The following FHIT variants were observed in gnomAD, a reference collection of about 807,000 sequenced individuals.
FHIT encodes the protein bis(5'-adenosyl)-triphosphatase.
In FHIT, 19 loss-of-function variants were observed where a neutral mutation model predicts 17.9. The ratio of observed to expected loss-of-function variants is 1.06; its 90% CI spans 0.74 to 1.56. The LOEUF is 1.56. FHIT is among the 40% of genes most tolerant of loss of function. The pLI is 0.00. For missense variants in FHIT, 248 were observed against 189.2 expected (o/e 1.31, Z -1.82); for synonymous variants, 81 against 69.7 (o/e 1.16, Z -0.81).
Position 59,767,224 on chromosome 3 carries a change from C to T in FHIT, c.349-14903G>A, listed in dbSNP as rs140964151. ...ATGAAAAATGGAGAGCTGGGCCGGG[C>T]GCGGTGGCTCACGCCTGTAATCCCA... On this transcript the variant is annotated intron_variant, in intron 8 of 9. Coordinates refer to ENST00000492590, the MANE Select transcript of FHIT (RefSeq NM_002012.4). 5.3e-3 allele frequency among the ~76,000 whole-genome samples: 812 copies of T among 152,238 alleles called. 22 individuals are homozygous for T. In the East Asian group the frequency reaches 0.068, roughly 13 times the overall value.
intron 5 of FHIT, among the ~76,000 whole-genome samples, chr3:60,434,175 C>T (rs1198204261): frequency 1.3e-5 from 2 of 152,212 alleles, no homozygotes; most frequent in East Asian, 3.9e-4. Flanking sequence ...TATACCTTGT[C>T]TGTACCGTTT....
At chr3:60,033,622 C>G (rs540267517) in intron 5 of FHIT, among the ~76,000 whole-genome samples, 1 of 151,792 alleles carries the variant, frequency 6.6e-6, no homozygotes, top group East Asian at 1.9e-4. Context: ...GAAAATACTT[C>G]TAGCAATTGC....
At chr3:60,898,595 A>G (rs11708288) in intron 3 of FHIT, among the ~76,000 whole-genome samples, 51,694 of 152,084 alleles carry the variant, frequency 0.34, 10,932 homozygotes, top group East Asian at 0.82. Context: ...AGAACAAAAC[A>G]TTACTGATGT....
chr3:60,016,216 C>G (rs1348650496), intron 5 of FHIT, among the ~76,000 whole-genome samples: 4 of 152,148 alleles, frequency 2.6e-5, no homozygotes, highest in Admixed American at 6.5e-5. Flanking sequence ...AATGTTTTAT[C>G]CAGTACATAT....
chr3:60,627,536 C>T (rs1157049258), intron 4 of FHIT, among the ~76,000 whole-genome samples: 13 of 152,224 alleles, frequency 8.5e-5, no homozygotes, highest in Non-Finnish European at 1.0e-4. Flanking sequence ...GATGGAGTCT[C>T]GCTCTGCCAC....
At chr3:60,473,307 T>C (rs1363330228) in intron 5 of FHIT, among the ~76,000 whole-genome samples, 1 of 152,142 alleles carries the variant, frequency 6.6e-6, no homozygotes, top group African/African-American at 2.4e-5. Context: ...ATGAGCACTG[T>C]TCCAAGATTA....
At chr3:60,805,705 A>C (rs984143775) in intron 4 of FHIT, among the ~76,000 whole-genome samples, 37 of 151,972 alleles carry the variant, frequency 2.4e-4, no homozygotes, top group African/African-American at 8.7e-4. Context: ...ACAGGCACCC[A>C]CCACCACACC....
chr3:60,298,423 T>C (rs1708305361), intron 5 of FHIT, among the ~76,000 whole-genome samples: 1 of 152,098 alleles, frequency 6.6e-6, no homozygotes, highest in South Asian at 2.1e-4. Flanking sequence ...TCACAAGTTT[T>C]AGGAATTGTG....
At chr3:60,072,672 G>A (rs975980127) in intron 5 of FHIT, among the ~76,000 whole-genome samples, 8 of 152,134 alleles carry the variant, frequency 5.3e-5, no homozygotes, top group Non-Finnish European at 8.8e-5. Context: ...GTAAGTGGAC[G>A]ATCAAAGATT....
intron 5 of FHIT, among the ~76,000 whole-genome samples, chr3:60,317,195 CTTT>C (rs34453102): frequency 2.0e-5 from 3 of 151,424 alleles, no homozygotes; most frequent in South Asian, 2.1e-4. Context: ...GTTCATATTC[CTTT>C]TTTTTCTTGT....
In FHIT at chr3:59,817,386, G is replaced by A. The variant is rs9817210; in HGVS notation, c.349-65065C>T. Among the ~76,000 whole-genome samples, 977 of 151,952 alleles carry A rather than the reference G, an allele frequency of 6.4e-3. 8 individuals are homozygous for A. Among genetic ancestry groups the A allele is most frequent in the African/African-American group, 0.022 (910 of 41,438 alleles). On this transcript the variant is annotated intron_variant, in intron 8 of 9. Coordinates refer to ENST00000492590, the MANE Select transcript of FHIT (RefSeq NM_002012.4). The stretch of plus-strand genomic sequence containing the variant: ...AAGACTATCCACCAAACGGGTGTGT[G>A]GAACTGTCCCTTGGCATTGCACAGG...
At chr3:60,470,677 C>G (rs923541870) in intron 5 of FHIT, among the ~76,000 whole-genome samples, 10 of 151,930 alleles carry the variant, frequency 6.6e-5, no homozygotes, top group African/African-American at 2.4e-4. Flanking sequence ...ATCAGAGATC[C>G]TAGGAGCCCA....
intron 3 of FHIT, among the ~76,000 whole-genome samples, chr3:60,964,345 C>A (rs143578601): frequency 0.047 from 7,181 of 151,904 alleles, 397 homozygotes; most frequent in East Asian, 0.24. Context: ...TGAGATGGGT[C>A]TCCTGAATAC....
chr3:60,710,385 C>A (rs1000206466), intron 4 of FHIT, among the ~76,000 whole-genome samples: 2 of 152,284 alleles, frequency 1.3e-5, no homozygotes, highest in Admixed American at 6.5e-5. Context: ...CTGAGGTACC[C>A]GGTTCATCTC....
intron 4 of FHIT, among the ~76,000 whole-genome samples, chr3:60,552,300 G>C (rs898792900): frequency 1.1e-4 from 17 of 152,190 alleles, no homozygotes; most frequent in African/African-American, 4.1e-4. Flanking sequence ...TCAGGTGCAA[G>C]TTTTGTGTGG....
chr3:60,921,891 C>G (rs1040895166), intron 3 of FHIT, among the ~76,000 whole-genome samples: 1 of 152,148 alleles, frequency 6.6e-6, no homozygotes, highest in East Asian at 1.9e-4. Flanking sequence ...CAAGACATCA[C>G]AGTGTAATAA....
chr3:60,043,597 C>A (rs115137618), intron 5 of FHIT, among the ~76,000 whole-genome samples: 6,379 of 152,248 alleles, frequency 0.042, 192 homozygotes, highest in Middle Eastern at 0.095. Flanking sequence ...GTGTCTCTTT[C>A]AACCTTTTGA....
At chr3:60,209,963 A>G (rs1394016416) in intron 5 of FHIT, among the ~76,000 whole-genome samples, 1 of 152,144 alleles carries the variant, frequency 6.6e-6, no homozygotes, top group Non-Finnish European at 1.5e-5. Flanking sequence ...GAGGGAACCT[A>G]GAGGATGGGT....
At chr3:61,054,139 C>T (rs1425265185) in intron 2 of FHIT, among the ~76,000 whole-genome samples, 1 of 152,172 alleles carries the variant, frequency 6.6e-6, no homozygotes, top group African/African-American at 2.4e-5. Flanking sequence ...CTTCATGGCT[C>T]ACCTTGTCAA....
Sources: gnomAD v4.1 joint callset for allele counts (sites outside exome capture counted in the v4.1 genomes callset) on GRCh38, gnomAD v4.1.1 for gene constraint, MANE v1.5 for transcripts, NCBI Gene and HGNC (gene_info 2026-07-23, HGNC 2026-07-21) for gene names.